DMXL2: variants seen among roughly 807,000 people sequenced by gnomAD.
DMXL2 encodes the protein Dmx like 2, also known as dmX-like protein 2.
In DMXL2, 103 loss-of-function variants were observed where a neutral mutation model predicts 331.1. The ratio of observed to expected loss-of-function variants is 0.31; its 90% CI spans 0.27 to 0.37. The LOEUF is 0.37. Among genes scored for constraint, DMXL2 ranks in the 10% least tolerant of loss-of-function variants. The probability of loss-of-function intolerance (pLI) is 1.00; values close to 1 mark genes in which losing one functional copy is unlikely to be tolerated. For synonymous variants in DMXL2, 1,281 were observed against 1,252.1 expected, an observed-to-expected ratio of 1.02 and a Z score of -0.49; for missense variants, 3,171 against 3,642.9, an observed-to-expected ratio of 0.87 and a Z score of 3.33.
At chr15:51,449,305 C>A in intron 43 of DMXL2, 112 bp from the exon 44 acceptor site, 1 of 917,876 alleles carries the variant, frequency 1.1e-6, no homozygotes, top group Non-Finnish European at 1.7e-6. Flanking sequence ...ACCTTCCCAC[C>A]CACTGCCTCT....
chr15:51,495,301 CA>C (rs998227127), intron 18 of DMXL2, among the ~76,000 whole-genome samples, 167 bp from the exon 19 acceptor site: 8 of 148,986 alleles, frequency 5.4e-5, no homozygotes, highest in African/African-American at 1.7e-4. Context: ...ATTATCTTTA[CA>C]AAAAAAAATG....
At chr15:51,485,859 T>C (rs2042357289) in intron 23 of DMXL2, among the ~76,000 whole-genome samples, 1 of 152,166 alleles carries the variant, frequency 6.6e-6, no homozygotes, top group South Asian at 2.1e-4. Flanking sequence ...CTACAGAATG[T>C]GGCAAACATT....
In DMXL2 at chr15:51,536,710, G is replaced by A. The variant is rs758709476; in HGVS notation, c.1770C>T (p.His590=). ...GGGATCTAGAGTGTGGCTGTGATCCGTGAGGACTGCCTACAGACATCCCCT... is the reference window on the plus strand; with the variant it reads ...GGGATCTAGAGTGTGGCTGTGATCCATGAGGACTGCCTACAGACATCCCCT... The part of the protein sequence containing the change: ...HQEGMSVGSP[H]GSQPHSRSHS... Residue 590 remains histidine (H), a synonymous_variant, in exon 12 of 44, where the codon CAC becomes CAT. Transcript: ENST00000560891. 22 of 1,613,884 alleles carry A rather than the reference G, an allele frequency of 1.4e-5. No individual in the cohort carries two copies. The highest frequency in any genetic ancestry group is 1.6e-4 in the Middle Eastern group (1 of 6,084).
rs35349640 is a variant in DMXL2 at position 51,498,782 on chromosome 15, T to C, written c.4442A>G (p.Asp1481Gly). ...LFQIQDIPTD[D>G]IDLEPEKREN... ...TCTCTTTTCAGGCTCTAAATCAATA[T>C]CATCCGTTGGTATATCCTGGATTTG... Residue 1481 changes from aspartate to glycine, a missense_variant, in exon 18 of 44, where the codon GAT becomes GGT. Physicochemically the swap from Asp to Gly is moderately conservative, Grantham distance 94. Around this residue, in one of 7 missense-constraint regions of DMXL2, gnomAD observed 1,674 missense variants for 1,780.2 expected, o/e 0.94. Transcript: ENST00000560891. 20,751 of 1,614,174 alleles carry C rather than the reference T, an allele frequency of 0.013. 192 individuals are homozygous for C. The highest frequency in any genetic ancestry group is 0.017 in the South Asian group (1,532 of 91,078).
chr15:51,456,018 T>C (rs778950102), intron 39 of DMXL2, 48 bp downstream of exon 39: 3 of 1,603,478 alleles, frequency 1.9e-6, no homozygotes, highest in Non-Finnish European at 2.6e-6. Flanking sequence ...CTCCTAAATA[T>C]CCACAACTAT....
chr15:51,583,126 T>C (rs1417127745), intron 1 of DMXL2, among the ~76,000 whole-genome samples: 1 of 95,254 alleles, frequency 1.0e-5, no homozygotes, highest in African/African-American at 3.5e-5. Flanking sequence ...TTTTTCTTTT[T>C]TTTTTTTTTT....
In DMXL2 at chr15:51,509,798, A is replaced by G. The variant is rs1219843241; in HGVS notation, c.2645-2545T>C. Among the ~76,000 whole-genome samples, 10 of 152,230 alleles carry G rather than the reference A, an allele frequency of 6.6e-5. No homozygotes were observed. The East Asian group carries it at 1.9e-3, about 29-fold the overall frequency. ...ATATCCCTGATGAACATCAATGCGA[A>G]AAACCTCAATAAAATACTGGCAAAC... On this transcript the variant is annotated intron_variant, in intron 15 of 43. Coordinates refer to ENST00000560891, the MANE Select transcript of DMXL2 (RefSeq NM_001378457.1).
intron 1 of DMXL2, among the ~76,000 whole-genome samples, chr15:51,611,362 T>C (rs2053958608): frequency 6.6e-6 from 1 of 152,196 alleles, no homozygotes; most frequent in South Asian, 2.1e-4. Flanking sequence ...CTACACAAAA[T>C]AGAATAAATT....
Position 51,495,030 on chromosome 15 carries a change from G to T in DMXL2, c.4777C>A (p.His1593Asn), listed in dbSNP as rs527696648. ...LPPLYRVQLL[H>N]QGVSTCHFAW... ...CAAACAGTGAGTGAATTACCTTGAT[G>T]AAGTAGCTGCACTCGGTATAAAGGA... The change falls in exon 19 of 44, where the codon CAT becomes AAT. Residue 1593 changes from histidine (H) to asparagine (N), a missense_variant. Around this residue, in one of 7 missense-constraint regions of DMXL2, gnomAD observed 252 missense variants for 387.4 expected, o/e 0.65. Transcript: ENST00000560891. 10 of 1,610,686 alleles carry T rather than the reference G, an allele frequency of 6.2e-6. No homozygotes were observed. In the East Asian group the frequency reaches 2.2e-4, roughly 36 times the overall value.
At position 51,537,758 on chromosome 15, in the gene DMXL2, A is replaced by G; in HGVS notation, c.1347T>C (p.Asp449=). 1 of 1,609,894 alleles carries G rather than the reference A, an allele frequency of 6.2e-7. No individual in the cohort carries two copies. The highest frequency in any genetic ancestry group is 8.5e-7 in the Non-Finnish European group (1 of 1,177,508). ...ERGLHMKLDH[D]LSLDRESEAG... The stretch of plus-strand genomic sequence containing the variant: ...CCTCAGATTCTCTATCCAGGGATAA[A>G]TCTGAACCAGAAAATATATTTATCA... The change falls in exon 11 of 44, where the codon GAT becomes GAC. Residue 449 remains aspartate, a splice_region_variant and synonymous_variant. Coordinates refer to ENST00000560891, the MANE Select transcript of DMXL2 (RefSeq NM_001378457.1).
chr15:51,462,359 G>C (rs183386903), intron 33 of DMXL2, among the ~76,000 whole-genome samples: 1 of 151,884 alleles, frequency 6.6e-6, no homozygotes. Context: ...TTTTGAGACA[G>C]AGTTTCGCTC....
At chr15:51,519,476 T>C (rs1167823643) in intron 13 of DMXL2, among the ~76,000 whole-genome samples, 1 of 151,928 alleles carries the variant, frequency 6.6e-6, no homozygotes. Flanking sequence ...AATTGAAAAG[T>C]AGGTGCATTA....
At chr15:51,587,032 A>G (rs2051888232) in intron 1 of DMXL2, among the ~76,000 whole-genome samples, 1 of 152,002 alleles carries the variant, frequency 6.6e-6, no homozygotes, top group East Asian at 1.9e-4. Context: ...TGGCCTGGCC[A>G]ACATATACAA....
intron 6 of DMXL2, among the ~76,000 whole-genome samples, chr15:51,552,439 C>T (rs186933874): frequency 6.6e-6 from 1 of 152,310 alleles, no homozygotes; most frequent in East Asian, 1.9e-4. Flanking sequence ...TCTGTGATCA[C>T]TAAGATCATT....
chr15:51,502,907 A>C lies in DMXL2; in HGVS notation c.2891T>G (p.Leu964Arg). 1 of 1,614,136 alleles carries C rather than the reference A, an allele frequency of 6.2e-7. No homozygotes were observed. Among genetic ancestry groups the C allele is most frequent in the Non-Finnish European group, 8.5e-7 (1 of 1,180,012 alleles). Residue 964 changes from leucine to arginine, a missense_variant, in exon 17 of 44, where the codon CTT becomes CGT. This residue lies in a region of DMXL2 where 1,674 missense variants were observed against 1,780.2 expected (regional missense o/e 0.94). Coordinates refer to ENST00000560891, the MANE Select transcript of DMXL2 (RefSeq NM_001378457.1). ...PMPHSSSIANLQTASKLILSS... is the reference protein window; with the variant it reads ...PMPHSSSIANRQTASKLILSS... ...CAGAATAAGTTTACTGGCAGTTTGAAGATTGGCAATTGATGAAGAATGTGG... is the reference window on the plus strand; with the variant it reads ...CAGAATAAGTTTACTGGCAGTTTGACGATTGGCAATTGATGAAGAATGTGG...
At position 51,463,320 on chromosome 15, in the gene DMXL2, T is replaced by C. The variant is rs2040289736; in HGVS notation, c.7926+59A>G. 13 of 1,103,410 alleles carry C rather than the reference T, an allele frequency of 1.2e-5. No homozygotes were observed. In the Admixed American group the frequency reaches 2.4e-4, roughly 20 times the overall value. The allele number at this position is 1,103,410 out of a possible 1,614,324, so 68.4% of individuals were successfully genotyped here. On this transcript the variant is annotated intron_variant, in intron 33 of 43. Transcript: ENST00000560891. Reference sequence around the variant, plus strand: ...AGAATAAATCAAGCACTGATTTCCTTAGAAATGTTAAAGAAAACTAAAGAA... The same window carrying C: ...AGAATAAATCAAGCACTGATTTCCTCAGAAATGTTAAAGAAAACTAAAGAA...
intron 1 of DMXL2, among the ~76,000 whole-genome samples, chr15:51,615,662 T>C (rs1595769521): frequency 6.6e-6 from 1 of 152,262 alleles, no homozygotes; most frequent in East Asian, 1.9e-4. Context: ...TGGTTATTCA[T>C]CCACATAAAA....
chr15:51,609,427 G>A (rs1163614887), intron 1 of DMXL2, among the ~76,000 whole-genome samples: 1 of 152,152 alleles, frequency 6.6e-6, no homozygotes, highest in Non-Finnish European at 1.5e-5. Flanking sequence ...GGTCTACAAT[G>A]GACCACACAT....
intron 32 of DMXL2, 33 bp from the exon 33 acceptor site, chr15:51,463,529 T>C: frequency 8.3e-7 from 1 of 1,208,278 alleles, no homozygotes; most frequent in Non-Finnish European, 1.2e-6. Flanking sequence ...CACACTACTT[T>C]AGTCTATAGA....
Sources: gnomAD v4.1 joint callset for allele counts (sites outside exome capture counted in the v4.1 genomes callset) on GRCh38, gnomAD v4.1.1 for gene constraint, gnomAD v4.1.1 regional missense constraint, MANE v1.5 for transcripts, NCBI Gene and HGNC (gene_info 2026-07-23, HGNC 2026-07-21) for gene names.